The following MARCHF1 variants were observed in gnomAD, a reference collection of about 807,000 sequenced individuals.
The protein encoded by MARCHF1 is E3 ubiquitin-protein ligase MARCHF1.
MARCHF1 carries 40 observed loss-of-function variants against 54.2 expected under a neutral mutation model. The observed-to-expected ratio is 0.74, with a 90% CI of 0.57 to 0.96. MARCHF1 has a LOEUF of 0.96. MARCHF1 is among the 40% of genes least tolerant of loss of function. The pLI, the probability that MARCHF1 is intolerant of heterozygous loss-of-function variation, is 0.00. For missense variants in MARCHF1, 586 were observed against 656.5 expected (o/e 0.89, Z 1.17); for synonymous variants, 236 against 236.3 (o/e 1.00, Z 0.01).
At chr4:163,596,601 T>C (rs779090726) in intron 7 of MARCHF1, among the ~76,000 whole-genome samples, 8 of 150,164 alleles carry the variant, frequency 5.3e-5, no homozygotes, top group Non-Finnish European at 8.9e-5. Flanking sequence ...CATTTGTTTG[T>C]CCCCACAATT....
intron 1 of MARCHF1, among the ~76,000 whole-genome samples, chr4:164,243,428 T>C (rs569864402): frequency 6.6e-6 from 1 of 151,896 alleles, no homozygotes; most frequent in South Asian, 2.1e-4. Context: ...AAGCAAATGC[T>C]GAGAGATTTT....
intron 3 of MARCHF1, among the ~76,000 whole-genome samples, chr4:163,857,729 G>C (rs1241796640): frequency 6.6e-6 from 1 of 152,146 alleles, no homozygotes; most frequent in African/African-American, 2.4e-5. Flanking sequence ...CCAAGAAATT[G>C]GGTGTATTTT....
chr4:163,682,952 A>G (rs906585900), intron 5 of MARCHF1, among the ~76,000 whole-genome samples: 1 of 152,224 alleles, frequency 6.6e-6, no homozygotes, highest in African/African-American at 2.4e-5. Context: ...ATAGTTTAGT[A>G]CAGCAAAATA....
intron 4 of MARCHF1, among the ~76,000 whole-genome samples, chr4:163,773,891 A>G (rs1747230499): frequency 6.6e-6 from 1 of 152,202 alleles, no homozygotes; most frequent in South Asian, 2.1e-4. Context: ...AAATATATAT[A>G]ATGCCATGAA....
At chr4:164,029,570 T>TAC (rs147185990) in intron 2 of MARCHF1, among the ~76,000 whole-genome samples, 22 of 151,568 alleles carry the variant, frequency 1.5e-4, no homozygotes, top group Non-Finnish European at 1.0e-4. Flanking sequence ...TAAATTGACA[T>TAC]ATATATATAT....
chr4:163,828,831 T>A (rs561675843), intron 4 of MARCHF1: 3 of 152,234 alleles, frequency 2.0e-5, no homozygotes, highest in African/African-American at 7.2e-5. Flanking sequence ...TAGACATATT[T>A]TGAAGGTAAA....
chr4:164,114,269 C>T (rs1224126971), intron 1 of MARCHF1, among the ~76,000 whole-genome samples: 2 of 151,858 alleles, frequency 1.3e-5, no homozygotes, highest in Non-Finnish European at 2.9e-5. Flanking sequence ...AAAATAAAAA[C>T]ATATCTCATT....
intron 1 of MARCHF1, among the ~76,000 whole-genome samples, chr4:164,290,877 T>C (rs567712749): frequency 5.3e-5 from 8 of 152,034 alleles, no homozygotes; most frequent in African/African-American, 1.9e-4. Context: ...GACACATTTC[T>C]CCAAGCAAGG....
chr4:163,535,013 AAT>A (rs1363834956), intron 9 of MARCHF1, among the ~76,000 whole-genome samples: 1 of 152,074 alleles, frequency 6.6e-6, no homozygotes, highest in Non-Finnish European at 1.5e-5. Flanking sequence ...CTTATAGACA[AAT>A]ATAATACTTT....
At chr4:164,080,162 A>G (rs1287279422) in intron 2 of MARCHF1, among the ~76,000 whole-genome samples, 1 of 152,208 alleles carries the variant, frequency 6.6e-6, no homozygotes, top group Non-Finnish European at 1.5e-5. Context: ...CATATGTAGA[A>G]CAACAGATCC....
intron 1 of MARCHF1, among the ~76,000 whole-genome samples, chr4:164,264,372 T>C (rs1162609429): frequency 6.6e-6 from 1 of 151,944 alleles, no homozygotes; most frequent in Non-Finnish European, 1.5e-5. Context: ...GCAGAAAAGA[T>C]AACTATTGGG....
intron 4 of MARCHF1, among the ~76,000 whole-genome samples, chr4:163,749,304 GT>G (rs1040288191): frequency 4.6e-4 from 69 of 149,628 alleles, no homozygotes; most frequent in African/African-American, 1.7e-3. Context: ...TTTTTTTTCT[GT>G]TTTTTGTTTT....
At chr4:163,862,257 G>C (rs1177018238) in intron 3 of MARCHF1, among the ~76,000 whole-genome samples, 1 of 151,916 alleles carries the variant, frequency 6.6e-6, no homozygotes, top group Non-Finnish European at 1.5e-5. Flanking sequence ...AGACTCTTAA[G>C]AGAATTAAAA....
chr4:164,337,631 A>T (rs1209321975), intron 1 of MARCHF1, among the ~76,000 whole-genome samples: 6 of 152,130 alleles, frequency 3.9e-5, no homozygotes, highest in African/African-American at 1.4e-4. Flanking sequence ...GCATGTGTAC[A>T]CCTCCTAACT....
intron 5 of MARCHF1, among the ~76,000 whole-genome samples, chr4:163,666,567 A>G (rs1219884517): frequency 6.6e-6 from 1 of 152,178 alleles, no homozygotes; most frequent in East Asian, 1.9e-4. Flanking sequence ...TTAAATAGCA[A>G]TAGCTCATCC....
chr4:163,605,088 A>G (rs767913021), intron 7 of MARCHF1, among the ~76,000 whole-genome samples: 2 of 152,152 alleles, frequency 1.3e-5, no homozygotes, highest in Non-Finnish European at 2.9e-5. Flanking sequence ...TTTTCTATAT[A>G]AATGTATAAA....
chr4:163,633,816 G>A (rs1461884213), intron 5 of MARCHF1, among the ~76,000 whole-genome samples: 3 of 152,052 alleles, frequency 2.0e-5, no homozygotes, highest in Non-Finnish European at 2.9e-5. Flanking sequence ...AAGTTGAAAT[G>A]AAGGAAAAAA....
chr4:163,903,750 A>C (rs1750993004), intron 3 of MARCHF1, among the ~76,000 whole-genome samples: 1 of 152,068 alleles, frequency 6.6e-6, no homozygotes, highest in South Asian at 2.1e-4. Flanking sequence ...AGCTTGGACT[A>C]TAAGCACCTG....
At chr4:163,834,628 G>T (rs901844407) in intron 4 of MARCHF1, among the ~76,000 whole-genome samples, 1 of 114,404 alleles carries the variant, frequency 8.7e-6, no homozygotes, top group African/African-American at 3.5e-5. Context: ...ACAGTCCCCA[G>T]AGTGTGATGT....
Sources: gnomAD v4.1 joint callset for allele counts (sites outside exome capture counted in the v4.1 genomes callset) on GRCh38, gnomAD v4.1.1 for gene constraint, MANE v1.5 for transcripts, NCBI Gene and HGNC (gene_info 2026-07-23, HGNC 2026-07-21) for gene names.